The following FRMD3 variants were observed in gnomAD, a reference collection of about 807,000 sequenced individuals.
FRMD3 encodes the protein FERM domain-containing protein 3.
A neutral mutation model predicts 70.2 loss-of-function variants in FRMD3; 33 were observed. That is an observed-to-expected ratio of 0.47 (90% CI 0.36 to 0.63). FRMD3 has a LOEUF of 0.63. FRMD3 is among the 20% of genes least tolerant of loss of function. The pLI, the probability that FRMD3 is intolerant of heterozygous loss-of-function variation, is 0.00. For missense variants in FRMD3, 632 were observed against 711.4 expected (o/e 0.89, Z 1.27); for synonymous variants, 279 against 255.9 (o/e 1.09, Z -0.86).
intron 1 of FRMD3, among the ~76,000 whole-genome samples, chr9:83,534,373 G>A (rs1463836171): frequency 2.0e-5 from 3 of 152,210 alleles, no homozygotes; most frequent in Non-Finnish European, 4.4e-5. Context: ...GTGTTTGAAA[G>A]TTTTCGTTGG....
At chr9:83,527,702 A>T (rs192736697) in intron 1 of FRMD3, among the ~76,000 whole-genome samples, 18 of 152,106 alleles carry the variant, frequency 1.2e-4, no homozygotes, top group Non-Finnish European at 1.8e-4. Context: ...CCACAGAAAC[A>T]TCCAACCGAG....
At chr9:83,416,173 C>T (rs1826435542) in intron 1 of FRMD3, among the ~76,000 whole-genome samples, 1 of 152,226 alleles carries the variant, frequency 6.6e-6, no homozygotes, top group Non-Finnish European at 1.5e-5. Flanking sequence ...CAACTCTCTC[C>T]ACTTTGTCAC....
At chr9:83,349,045 C>T (rs1430772417) in intron 4 of FRMD3, among the ~76,000 whole-genome samples, 1 of 152,190 alleles carries the variant, frequency 6.6e-6, no homozygotes, top group African/African-American at 2.4e-5. Context: ...TAGAGTTAAG[C>T]GCACAGCAGC....
intron 13 of FRMD3, among the ~76,000 whole-genome samples, chr9:83,254,267 TA>T (rs1013005655): frequency 1.3e-5 from 2 of 151,392 alleles, no homozygotes; most frequent in Non-Finnish European, 1.5e-5. Flanking sequence ...AGTATGATAA[TA>T]AAAAAAATAA....
At chr9:83,514,635 A>G (rs1199549057) in intron 1 of FRMD3, among the ~76,000 whole-genome samples, 4 of 152,212 alleles carry the variant, frequency 2.6e-5, no homozygotes, top group Admixed American at 2.0e-4. Context: ...TGCCTCCTCA[A>G]GTAGGTCCCT....
At chr9:83,253,299 T>C (rs898629056) in intron 13 of FRMD3, among the ~76,000 whole-genome samples, 5 of 152,058 alleles carry the variant, frequency 3.3e-5, no homozygotes, top group Non-Finnish European at 5.9e-5. Context: ...AAGGCAGAAA[T>C]CAAGAAGTTC....
At chr9:83,522,628 A>G (rs1170137949) in intron 1 of FRMD3, among the ~76,000 whole-genome samples, 2 of 147,982 alleles carry the variant, frequency 1.4e-5, no homozygotes, top group African/African-American at 5.0e-5. Context: ...CAGTGTAGCG[A>G]TCTCGGCTCA....
chr9:83,283,542 AAAAAAATAATAAT>A (rs764823976), intron 13 of FRMD3, among the ~76,000 whole-genome samples: 17,492 of 64,284 alleles, frequency 0.27, 1,179 homozygotes, highest in Non-Finnish European at 0.35. Context: ...AAAAAAAAAA[AAAAAAATAATAAT>A]AATAATAATA....
At chr9:83,329,754 T>C (rs191999695) in intron 6 of FRMD3, among the ~76,000 whole-genome samples, 1 of 152,318 alleles carries the variant, frequency 6.6e-6, no homozygotes, top group Admixed American at 6.5e-5. Flanking sequence ...ATATACTTCA[T>C]CAAAACTGCT....
chr9:83,446,748 G>C (rs549521670), intron 1 of FRMD3, among the ~76,000 whole-genome samples: 296 of 151,966 alleles, frequency 1.9e-3, no homozygotes, highest in South Asian at 0.018. Context: ...TTGCCAAGTA[G>C]GAAAGTCTTT....
rs560103415 is a variant in FRMD3, at chr9:83,307,891, C to G, written c.926+1645G>C. ...CCAACTAAAGACTGAGAGCATCAAA[C>G]CCTCTGTGTTTCCCTCTCTGAACTC... On this transcript the variant is annotated intron_variant, in intron 10 of 13. Transcript: ENST00000304195. Among the ~76,000 whole-genome samples the G allele has an allele frequency of 2.0e-5, 3 of 152,200 alleles. No homozygotes were observed. In the South Asian group the frequency reaches 6.2e-4, roughly 32 times the overall value.
chr9:83,295,292 A>T (rs1834615000), intron 12 of FRMD3, among the ~76,000 whole-genome samples: 1 of 152,186 alleles, frequency 6.6e-6, no homozygotes, highest in African/African-American at 2.4e-5. Context: ...CAACTAAAAG[A>T]TGCTTATATA....
intron 1 of FRMD3, among the ~76,000 whole-genome samples, chr9:83,421,526 C>A (rs1283662153): frequency 6.6e-6 from 1 of 152,152 alleles, no homozygotes; most frequent in Non-Finnish European, 1.5e-5. Context: ...GAGCACAGCT[C>A]CCAGAATAGG....
chr9:83,267,012 C>A, intron 13 of FRMD3: 1 of 1,550,748 alleles, frequency 6.4e-7, no homozygotes, highest in Non-Finnish European at 8.7e-7. Context: ...CCACACATAC[C>A]AGTGTTACGA....
the FRMD3 span, among the ~76,000 whole-genome samples, chr9:83,578,464 C>T: frequency 6.6e-6 from 1 of 151,856 alleles, no homozygotes; most frequent in African/African-American, 2.4e-5. Flanking sequence ...CATATCAAAA[C>T]AATCATTCAC....
chr9:83,551,973 A>G, the FRMD3 span, among the ~76,000 whole-genome samples: 434 of 148,966 alleles, frequency 2.9e-3, no homozygotes, highest in African/African-American at 0.01. Context: ...AATTTCCTTC[A>G]GCTAAGCTCT....
chr9:83,494,953 T>G (rs1159973147), intron 1 of FRMD3, among the ~76,000 whole-genome samples: 1 of 152,054 alleles, frequency 6.6e-6, no homozygotes, highest in East Asian at 1.9e-4. Flanking sequence ...AAACAAAAGA[T>G]CATAAATATT....
intron 8 of FRMD3, 22 bp from the exon 9 acceptor site, chr9:83,310,570 G>A (rs1835313372): frequency 1.4e-5 from 22 of 1,573,112 alleles, no homozygotes; most frequent in Non-Finnish European, 1.9e-5. Flanking sequence ...AAATCTCTGG[G>A]TAAGAAGAAA....
chr9:83,335,040 GC>G (rs35750397), intron 6 of FRMD3, among the ~76,000 whole-genome samples: 18,135 of 152,238 alleles, frequency 0.12, 1,299 homozygotes, highest in Admixed American at 0.16. Context: ...TATCATTGAA[GC>G]ATCGCAGGTG....
Sources: gnomAD v4.1 joint callset for allele counts (sites outside exome capture counted in the v4.1 genomes callset) on GRCh38, gnomAD v4.1.1 for gene constraint, MANE v1.5 for transcripts, NCBI Gene and HGNC (gene_info 2026-07-23, HGNC 2026-07-21) for gene names.